Variants in GNAL observed in about 807,000 individuals in gnomAD.
GNAL encodes guanine nucleotide-binding protein G(olf) subunit alpha.
In GNAL, 18 loss-of-function variants were observed where a neutral mutation model predicts 55.1. The ratio of observed to expected loss-of-function variants is 0.33; its 90% CI spans 0.23 to 0.48. The LOEUF is 0.48. Ranked by LOEUF, GNAL falls within the 20% of genes least tolerant of loss-of-function variation. The pLI is 0.99. For synonymous variants in GNAL, 253 were observed against 237.0 expected, an observed-to-expected ratio of 1.07 and a Z score of -0.62; for missense variants, 412 against 614.1, an observed-to-expected ratio of 0.67 and a Z score of 3.48.
chr18:11,855,762 T>C (rs2035991725), intron 5 of GNAL, among the ~76,000 whole-genome samples: 1 of 152,082 alleles, frequency 6.6e-6, no homozygotes, highest in African/African-American at 2.4e-5. Context: ...CATCTGAGGT[T>C]GGAAGTTCGA....
At chr18:11,696,113 G>A (rs893586652) in intron 1 of GNAL, among the ~76,000 whole-genome samples, 1 of 152,102 alleles carries the variant, frequency 6.6e-6, no homozygotes, top group Non-Finnish European at 1.5e-5. Flanking sequence ...TGCTGTCTTC[G>A]TTTTTTGCCA....
intron 5 of GNAL, 75 bp from the exon 6 acceptor site, chr18:11,862,320 C>T: frequency 9.0e-7 from 1 of 1,115,634 alleles, no homozygotes; most frequent in Non-Finnish European, 1.4e-6. Context: ...TGGGTGATGT[C>T]CCATTAATTT....
chr18:11,759,310 A>C (rs2143163074), intron 4 of GNAL, among the ~76,000 whole-genome samples: 1 of 152,392 alleles, frequency 6.6e-6, no homozygotes, highest in South Asian at 2.1e-4. Flanking sequence ...TTTTATTCTT[A>C]AAATGTGGAT....
intron 1 of GNAL, among the ~76,000 whole-genome samples, chr18:11,695,658 C>G (rs1021181509): frequency 1.3e-5 from 2 of 152,130 alleles, no homozygotes; most frequent in Non-Finnish European, 2.9e-5. Flanking sequence ...TAATATGATT[C>G]TTTTCCTGGA....
At chr18:11,864,804 C>G (rs749101723) in intron 7 of GNAL, among the ~76,000 whole-genome samples, 198 bp downstream of exon 7, 1 of 152,128 alleles carries the variant, frequency 6.6e-6, no homozygotes, top group African/African-American at 2.4e-5. Context: ...AATGAGGACA[C>G]CTGAAAGGAA....
intron 4 of GNAL, among the ~76,000 whole-genome samples, chr18:11,761,955 G>C (rs2113739): frequency 1.3e-5 from 2 of 152,054 alleles, no homozygotes; most frequent in African/African-American, 4.8e-5. Flanking sequence ...AGCAGTGAAC[G>C]CCTGTGTCTT....
At chr18:11,722,579 A>G (rs2032119768) in intron 1 of GNAL, among the ~76,000 whole-genome samples, 1 of 152,224 alleles carries the variant, frequency 6.6e-6, no homozygotes, top group Non-Finnish European at 1.5e-5. Flanking sequence ...CTGATAATAA[A>G]TAAAATGTTG....
intron 5 of GNAL, among the ~76,000 whole-genome samples, chr18:11,826,150 C>T (rs1001881841): frequency 1.3e-5 from 2 of 152,150 alleles, no homozygotes; most frequent in Non-Finnish European, 2.9e-5. Flanking sequence ...CTAGGTTCTA[C>T]TTCCACTCAC....
chr18:11,817,743 A>C (rs79003540), intron 4 of GNAL, among the ~76,000 whole-genome samples: 7,404 of 149,530 alleles, frequency 0.05, 319 homozygotes, highest in African/African-American at 0.098. Flanking sequence ...TGCGTGCCAC[A>C]ACACCGGGCT....
At chr18:11,861,852 C>T (rs1225279649) in intron 5 of GNAL, among the ~76,000 whole-genome samples, 1 of 152,136 alleles carries the variant, frequency 6.6e-6, no homozygotes, top group African/African-American at 2.4e-5. Context: ...CGCTCTCGCA[C>T]ACTTTCCGCA....
chr18:11,832,390 G>A (rs2035403953), intron 5 of GNAL, among the ~76,000 whole-genome samples: 1 of 152,170 alleles, frequency 6.6e-6, no homozygotes, highest in African/African-American at 2.4e-5. Flanking sequence ...TGCAGTCCCA[G>A]ATCTGTTTTC....
intron 4 of GNAL, among the ~76,000 whole-genome samples, chr18:11,806,166 A>G (rs1428601168): frequency 1.3e-5 from 2 of 152,092 alleles, no homozygotes; most frequent in Admixed American, 1.3e-4. Flanking sequence ...GTGTCTATTC[A>G]TGTCATTTGC....
intron 1 of GNAL, among the ~76,000 whole-genome samples, chr18:11,697,450 C>G (rs1006391024): frequency 6.6e-6 from 1 of 151,984 alleles, no homozygotes; most frequent in Non-Finnish European, 1.5e-5. Context: ...CCCAGCTTCT[C>G]AGGAGGCTAA....
intron 1 of GNAL, among the ~76,000 whole-genome samples, chr18:11,691,605 A>G (rs1356369773): frequency 6.6e-6 from 1 of 151,202 alleles, no homozygotes; most frequent in Non-Finnish European, 1.5e-5. Context: ...TCTAACGTTT[A>G]AGTCTTTAAT....
chr18:11,775,566 A>T (rs899073653), intron 4 of GNAL, among the ~76,000 whole-genome samples: 1 of 152,212 alleles, frequency 6.6e-6, no homozygotes, highest in African/African-American at 2.4e-5. Context: ...ACCTCACCCA[A>T]AAAGATTCCT....
At chr18:11,775,973 T>G (rs1307148178) in intron 4 of GNAL, among the ~76,000 whole-genome samples, 1 of 152,254 alleles carries the variant, frequency 6.6e-6, no homozygotes, top group East Asian at 1.9e-4. Context: ...TTTGCTCACC[T>G]AGCGTTTAAC....
intron 4 of GNAL, among the ~76,000 whole-genome samples, chr18:11,807,129 A>G (rs931239496): frequency 1.3e-5 from 2 of 152,122 alleles, no homozygotes; most frequent in African/African-American, 2.4e-5. Context: ...AATACACTCC[A>G]GCCTGGGTGA....
intron 5 of GNAL, among the ~76,000 whole-genome samples, chr18:11,860,959 T>C (rs994499593): frequency 1.3e-5 from 2 of 152,124 alleles, no homozygotes; most frequent in African/African-American, 4.8e-5. Context: ...TGGGGTGGCG[T>C]TTTGTGTTCT....
intron 5 of GNAL, chr18:11,851,942 C>T: frequency 6.2e-7 from 1 of 1,613,984 alleles, no homozygotes; most frequent in South Asian, 1.1e-5. Flanking sequence ...ACGCTCACCA[C>T]TCCCCAGAAC....
Sources: allele counts gnomAD v4.1 joint callset (sites outside exome capture counted in the v4.1 genomes callset), GRCh38; gene constraint gnomAD v4.1.1; transcripts MANE v1.5; gene names NCBI Gene and HGNC (gene_info 2026-07-23, HGNC 2026-07-21).